Variants in TUSC3 observed in about 807,000 individuals in gnomAD.
TUSC3 encodes dolichyl-diphosphooligosaccharide--protein glycosyltransferase subunit TUSC3.
In TUSC3, 45 loss-of-function variants were observed where a neutral mutation model predicts 44.8. The ratio of observed to expected loss-of-function variants is 1.00; its 90% confidence interval spans 0.79 to 1.29. The LOEUF (loss-of-function observed/expected upper bound fraction) is 1.29, where lower values mean the gene tolerates loss of function less well. Ranked by LOEUF, TUSC3 falls within the 50% of genes most tolerant of loss-of-function variation. TUSC3 has a pLI of 0.00. For synonymous variants in TUSC3, 212 were observed against 152.9 expected, an observed-to-expected ratio of 1.39 and a Z score of -2.85; for missense variants, 519 against 437.9, an observed-to-expected ratio of 1.19 and a Z score of -1.65.
intron 6 of TUSC3, among the ~76,000 whole-genome samples, chr8:15,710,637 A>G (rs1372311719): frequency 6.6e-6 from 1 of 151,852 alleles, no homozygotes; most frequent in Non-Finnish European, 1.5e-5. Flanking sequence ...CTACTTATTA[A>G]AATGCAGATT....
At chr8:15,747,606 C>T (rs1402929254) in intron 8 of TUSC3, among the ~76,000 whole-genome samples, 3 of 152,010 alleles carry the variant, frequency 2.0e-5, no homozygotes, top group Non-Finnish European at 4.4e-5. Context: ...TATTATGCAT[C>T]TGCTTTAGAG....
chr8:15,673,918 T>C, intron 6 of TUSC3, 82 bp downstream of exon 6: 1 of 1,199,944 alleles, frequency 8.3e-7, no homozygotes. Context: ...TAGTATTTAG[T>C]AGGAAAAGAT....
At chr8:15,769,094 C>A (rs1812398324), downstream of TUSC3, among the ~76,000 whole-genome samples, 2 of 151,264 alleles carry the variant, frequency 1.3e-5, no homozygotes, top group South Asian at 4.2e-4. Flanking sequence ...CATGTGGAAC[C>A]AAAAAAAAGC....
At chr8:15,653,100 T>G (rs1331434076) in intron 3 of TUSC3, among the ~76,000 whole-genome samples, 1 of 152,156 alleles carries the variant, frequency 6.6e-6, no homozygotes, top group Non-Finnish European at 1.5e-5. Flanking sequence ...TTCAAAATAC[T>G]TTTATTTCTT....
At chr8:15,784,917 A>T in the TUSC3 span, among the ~76,000 whole-genome samples, 1 of 152,294 alleles carries the variant, frequency 6.6e-6, no homozygotes, top group Non-Finnish European at 1.5e-5. Flanking sequence ...TTCTCATTAC[A>T]AAGAAATAAG....
intron 1 of TUSC3, among the ~76,000 whole-genome samples, chr8:15,544,544 A>G (rs4307345): frequency 0.21 from 31,175 of 151,688 alleles, 3,708 homozygotes; most frequent in East Asian, 0.34. Flanking sequence ...ACATATTTCA[A>G]TTGCCTTTGA....
At chr8:15,777,178 C>G in the TUSC3 span, among the ~76,000 whole-genome samples, 2 of 152,126 alleles carry the variant, frequency 1.3e-5, no homozygotes, top group Admixed American at 1.3e-4. Flanking sequence ...TCAGCTACTT[C>G]TTAAAATTTC....
chr8:15,428,190 A>G (rs73104633), intron 1 of TUSC3, among the ~76,000 whole-genome samples: 28 of 137,312 alleles, frequency 2.0e-4, no homozygotes, highest in South Asian at 7.0e-4. Context: ...TCATTGTTCA[A>G]TTCCCACCTA....
chr8:15,562,437 A>G (rs894178163), intron 1 of TUSC3, among the ~76,000 whole-genome samples: 2 of 152,102 alleles, frequency 1.3e-5, no homozygotes, highest in South Asian at 4.1e-4. Flanking sequence ...GTTTGTGGGT[A>G]TATTAGTTTT....
the TUSC3 span, among the ~76,000 whole-genome samples, chr8:15,815,670 T>C: frequency 6.6e-6 from 1 of 152,164 alleles, no homozygotes; most frequent in Non-Finnish European, 1.5e-5. Context: ...TCTGACTTTC[T>C]AATGTTCAGC....
At chr8:15,758,129 A>T in intron 10 of TUSC3, 1 of 1,169,062 alleles carries the variant, frequency 8.6e-7, no homozygotes, top group Non-Finnish European at 1.1e-6. Flanking sequence ...ATACTTTCTT[A>T]ACTTCTGTTT....
At chr8:15,432,619 C>G (rs975176681) in intron 1 of TUSC3, among the ~76,000 whole-genome samples, 2 of 151,992 alleles carry the variant, frequency 1.3e-5, no homozygotes, top group Non-Finnish European at 2.9e-5. Flanking sequence ...TATAAAGAAG[C>G]CTTTATTATC....
chr8:15,437,158 C>T (rs981124782), intron 1 of TUSC3, among the ~76,000 whole-genome samples: 1 of 152,102 alleles, frequency 6.6e-6, no homozygotes, highest in Non-Finnish European at 1.5e-5. Context: ...ACTAATCATG[C>T]ACTAATCATT....
At chr8:15,451,532 G>T (rs778680492) in intron 1 of TUSC3, among the ~76,000 whole-genome samples, 1 of 152,172 alleles carries the variant, frequency 6.6e-6, no homozygotes, top group African/African-American at 2.4e-5. Flanking sequence ...ACTTGGAGGT[G>T]CTGGGACAGT....
At chr8:15,843,306 G>A in the TUSC3 span, among the ~76,000 whole-genome samples, 3 of 152,122 alleles carry the variant, frequency 2.0e-5, no homozygotes, top group Non-Finnish European at 4.4e-5. Flanking sequence ...TTTTGGGTCA[G>A]ATACGTTTGG....
chr8:15,706,105 G>C (rs1012639071), intron 6 of TUSC3, among the ~76,000 whole-genome samples: 15 of 151,948 alleles, frequency 9.9e-5, no homozygotes, highest in African/African-American at 3.6e-4. Context: ...CTAGAGACAG[G>C]GGTGTTAACT....
chr8:15,634,474 GAA>G, intron 2 of TUSC3, among the ~76,000 whole-genome samples: 1 of 152,308 alleles, frequency 6.6e-6, no homozygotes, highest in African/African-American at 2.4e-5. Flanking sequence ...AAACATGAGA[GAA>G]AGGGCAATTG....
At chr8:15,611,925 C>A (rs1463589828) in intron 1 of TUSC3, among the ~76,000 whole-genome samples, 1 of 152,192 alleles carries the variant, frequency 6.6e-6, no homozygotes, top group African/African-American at 2.4e-5. Context: ...AAACGATATG[C>A]ATCTGGCTGC....
chr8:15,584,136 T>C (rs1474679515), intron 1 of TUSC3, among the ~76,000 whole-genome samples: 1 of 152,216 alleles, frequency 6.6e-6, no homozygotes, highest in African/African-American at 2.4e-5. Context: ...TTAAACTTGT[T>C]AAAGATTTCC....
Sources: gnomAD v4.1 joint callset for allele counts (sites outside exome capture counted in the v4.1 genomes callset) on GRCh38, gnomAD v4.1.1 for gene constraint, MANE v1.5 for transcripts, NCBI Gene and HGNC (gene_info 2026-07-23, HGNC 2026-07-21) for gene names.